The following WDR44 variants were observed in gnomAD, a reference collection of about 807,000 sequenced individuals.
WDR44 encodes WD repeat-containing protein 44.
In WDR44, 9 loss-of-function variants were observed where a neutral mutation model predicts 65.7. That is an observed-to-expected ratio of 0.14 (90% confidence interval 0.08 to 0.24). The LOEUF is 0.24. Among genes scored for constraint, WDR44 ranks in the 10% least tolerant of loss-of-function variants. WDR44 has a pLI of 1.00. For missense variants in WDR44, 425 were observed against 670.9 expected, an observed-to-expected ratio of 0.63 and a Z score of 4.05; for synonymous variants, 220 against 235.2, an observed-to-expected ratio of 0.94 and a Z score of 0.59.
At chrX:118,364,555 T>C (rs534875550) in intron 1 of WDR44, among the ~76,000 whole-genome samples, 1 of 112,483 alleles carries the variant, frequency 8.9e-6, no homozygotes, top group South Asian at 3.7e-4. Context: ...TTTCTCACCC[T>C]TTGTATTTCA....
chrX:118,372,523 G>A (rs1333526752), intron 1 of WDR44, among the ~76,000 whole-genome samples: 1 of 111,325 alleles, frequency 9.0e-6, no homozygotes, highest in Admixed American at 9.6e-5. Flanking sequence ...CTGTGGTAAT[G>A]ACAGTTCTCA....
At chrX:118,410,839 G>T in intron 11 of WDR44, 56 bp from the exon 12 acceptor site, 1 of 931,481 alleles carries the variant, frequency 1.1e-6, no homozygotes, top group Non-Finnish European at 1.5e-6. Context: ...GTTATATTTT[G>T]GTGGGTCTGT....
chrX:118,383,502 A>G (rs933796352), intron 2 of WDR44, among the ~76,000 whole-genome samples: 2 of 111,845 alleles, frequency 1.8e-5, no homozygotes, highest in African/African-American at 6.5e-5. Context: ...AATTTAGGGA[A>G]AATATCCACA....
At chrX:118,397,342 A>G (rs767666695) in intron 7 of WDR44, among the ~76,000 whole-genome samples, 2 of 111,181 alleles carry the variant, frequency 1.8e-5, no homozygotes, top group South Asian at 7.5e-4. Flanking sequence ...CTCTTTTTTA[A>G]TGATTTAAAT....
intron 1 of WDR44, 130 bp from the exon 2 acceptor site, chrX:118,378,289 C>T: frequency 1.3e-5 from 7 of 536,179 alleles, no homozygotes; most frequent in Non-Finnish European, 1.8e-5. Context: ...TTTCTACGTG[C>T]ACACAAGACT....
chrX:118,396,857 A>G, intron 6 of WDR44, 113 bp from the exon 7 acceptor site: 2 of 797,841 alleles, frequency 2.5e-6, no homozygotes, highest in Non-Finnish European at 3.5e-6. Flanking sequence ...TGTGTGCAGT[A>G]TTGAATATAT....
At chrX:118,421,203 T>C (rs1312251223) in intron 12 of WDR44, among the ~76,000 whole-genome samples, 1 of 111,930 alleles carries the variant, frequency 8.9e-6, no homozygotes, top group Admixed American at 9.6e-5. Flanking sequence ...TACCATACAG[T>C]TTCCAGGCAT....
chrX:118,444,303 T>C (rs941057214), intron 18 of WDR44, 57 bp from the exon 19 acceptor site: 69 of 1,151,499 alleles, frequency 6.0e-5, no homozygotes, highest in Non-Finnish European at 7.9e-5. Context: ...ACATACACTA[T>C]CGTGTTTGTC....
At chrX:118,398,576 C>A in intron 8 of WDR44, 106 bp downstream of exon 8, 1 of 629,230 alleles carries the variant, frequency 1.6e-6, no homozygotes, top group Non-Finnish European at 2.5e-6. Flanking sequence ...TTATGTCTAC[C>A]CACCACCATT....
Position 118,392,594 on chromosome X carries a change from G to A in WDR44, c.187-38G>A, listed in dbSNP as rs749317641. On this transcript the variant is annotated intron_variant, in intron 3 of 19. Coordinates refer to ENST00000254029, the MANE Select transcript of WDR44 (RefSeq NM_019045.5). ...AGCTGTTACTGTGTTCTTATAAATA[G>A]CTTCATTTTTAAAAACTACTTTTAA... 2.7e-6 allele frequency: 3 copies of A among 1,103,443 alleles called. No individual in the cohort carries two copies. The South Asian group carries it at 6.4e-5, about 23-fold the overall frequency. The allele number at this position is 1,103,443 out of a possible 1,213,427, so 90.9% of individuals were successfully genotyped here.
rs1213083479 is a variant in WDR44, at chrX:118,438,797, G to GTTTTTTTTTTTTTTTTTTTTTT, written c.1974+1994_1974+1995insTTTTTTTTTTTTTTTTTTTTTT. 2.0e-4 allele frequency among the ~76,000 whole-genome samples: 13 copies of GTTTTTTTTTTTTTTTTTTTTTT among 64,044 alleles called. 2 individuals carry two copies. The highest frequency in any genetic ancestry group is 2.6e-4 in the Non-Finnish European group (9 of 34,332). 55.6% of individuals were successfully genotyped at this position (64,044 alleles called of 115,157 possible). Reference sequence around the variant, plus strand: ...TTTATTAAACTTTCTGTTCAGCCATGTTTTTTTTTTTTTTTTTTTTTGAAG... The same window carrying GTTTTTTTTTTTTTTTTTTTTTT: ...TTTATTAAACTTTCTGTTCAGCCATGTTTTTTTTTTTTTTTTTTTTTTTTTTTTTTTTTTTTTTTTTTTGAAG... On this transcript the variant is annotated intron_variant, in intron 14 of 19. Coordinates refer to ENST00000254029, the MANE Select transcript of WDR44 (RefSeq NM_019045.5).
At chrX:118,389,718 CA>C (rs1248530849) in intron 3 of WDR44, among the ~76,000 whole-genome samples, 1,013 of 34,499 alleles carry the variant, frequency 0.029, 4 homozygotes, top group Non-Finnish European at 0.038. Flanking sequence ...GACTCCCTCT[CA>C]AAAAAAAAAA....
rs112535465 is a variant in WDR44, at chrX:118,408,203, A to G, written c.1533+1177A>G. 2.2e-4 allele frequency among the ~76,000 whole-genome samples: 25 copies of G among 111,147 alleles called. 1 individual carries two copies. The highest frequency in any genetic ancestry group is 7.8e-4 in the African/African-American group (24 of 30,634). On this transcript the variant is annotated intron_variant, in intron 10 of 19. Coordinates refer to ENST00000254029, the MANE Select transcript of WDR44 (RefSeq NM_019045.5). ...TTTGATACATCTGAATGTGTATATA[A>G]TAGTATTTCTTGTAATAAGATTTGG...
chrX:118,379,043 C>CAA (rs111960903), intron 2 of WDR44, among the ~76,000 whole-genome samples: 1 of 97,955 alleles, frequency 1.0e-5, no homozygotes, highest in African/African-American at 3.7e-5. Context: ...GACTCCACCT[C>CAA]AAAAAAAAAA....
chrX:118,411,342 C>T (rs916004197), intron 12 of WDR44, among the ~76,000 whole-genome samples: 2 of 111,685 alleles, frequency 1.8e-5, no homozygotes, highest in African/African-American at 3.2e-5. Context: ...GTTTAATAAA[C>T]ACTTTATCAC....
intron 19 of WDR44, among the ~76,000 whole-genome samples, chrX:118,445,855 C>T (rs1038887415): frequency 3.4e-4 from 37 of 110,178 alleles, no homozygotes; most frequent in African/African-American, 1.2e-3. Flanking sequence ...TGGTGAAACC[C>T]CGTCTCTACT....
intron 1 of WDR44, among the ~76,000 whole-genome samples, chrX:118,350,855 C>T (rs1050140452): frequency 9.9e-5 from 11 of 111,387 alleles, no homozygotes; most frequent in Admixed American, 2.9e-4. Context: ...ATCATTTTAG[C>T]CCAGCCTTCC....
At chrX:118,439,547 G>A (rs1243696273) in intron 14 of WDR44, among the ~76,000 whole-genome samples, 1 of 110,572 alleles carries the variant, frequency 9.0e-6, no homozygotes, top group African/African-American at 3.3e-5. Context: ...CTGTACCCCA[G>A]CCTGAGTGAC....
At chrX:118,365,827 TAAAC>T (rs757170947) in intron 1 of WDR44, among the ~76,000 whole-genome samples, 1 of 112,383 alleles carries the variant, frequency 8.9e-6, no homozygotes, top group East Asian at 2.8e-4. Context: ...ATAGGGCTCT[TAAAC>T]AATTAAACAG....
Sources: allele counts gnomAD v4.1 joint callset (sites outside exome capture counted in the v4.1 genomes callset), GRCh38; gene constraint gnomAD v4.1.1; transcripts MANE v1.5; gene names NCBI Gene and HGNC (gene_info 2026-07-23, HGNC 2026-07-21).